Variants in ZNRF2 observed in about 807,000 individuals in gnomAD.
ZNRF2 encodes the protein zinc and ring finger 2, also known as E3 ubiquitin-protein ligase ZNRF2.
ZNRF2 carries 16 observed loss-of-function variants against 20.4 expected under a neutral mutation model. The ratio of observed to expected loss-of-function variants is 0.79; its 90% CI spans 0.53 to 1.19. The LOEUF (loss-of-function observed/expected upper bound fraction) is 1.19. Ranked by LOEUF, ZNRF2 falls within the 50% of genes most tolerant of loss-of-function variation. The pLI is 0.00. For synonymous variants in ZNRF2, 178 were observed against 144.9 expected (o/e 1.23, Z -1.64); for missense variants, 363 against 332.4 (o/e 1.09, Z -0.72).
At chr7:30,325,582 G>T (rs983341525) in intron 2 of ZNRF2, among the ~76,000 whole-genome samples, 13 of 152,140 alleles carry the variant, frequency 8.5e-5, no homozygotes, top group African/African-American at 3.1e-4. Context: ...ACATTGAAAT[G>T]AGCATATTAC....
rs1583566731 is a variant in ZNRF2 at position 30,296,194 on chromosome 7, TA to T, written c.469+10369del. ...AGAAAGAAGTGGTAGGTTATGTTTT[TA>T]TTTGTATAATGTAAATATAGGTAAA... On this transcript the variant is annotated intron_variant, in intron 1 of 4. Coordinates refer to ENST00000323037, the MANE Select transcript of ZNRF2 (RefSeq NM_147128.4). 2.0e-5 allele frequency among the ~76,000 whole-genome samples: 3 copies of T among 152,268 alleles called. No individual in the cohort carries two copies. The East Asian group carries it at 5.8e-4, about 29-fold the overall frequency.
chr7:30,311,218 G>T (rs1010047516), intron 1 of ZNRF2, among the ~76,000 whole-genome samples: 3 of 152,150 alleles, frequency 2.0e-5, no homozygotes, highest in Middle Eastern at 3.4e-3. Context: ...ATAGGGGTCC[G>T]GCACAAGAAC....
chr7:30,363,107 C>T (rs1289612093), intron 4 of ZNRF2, among the ~76,000 whole-genome samples: 2 of 151,842 alleles, frequency 1.3e-5, no homozygotes, highest in Admixed American at 6.6e-5. Context: ...GGCGACAGAG[C>T]GAGTCTCCTT....
intron 3 of ZNRF2, 145 bp downstream of exon 3, chr7:30,355,978 A>G (rs1251904747): frequency 7.0e-6 from 4 of 569,718 alleles, no homozygotes; most frequent in East Asian, 3.0e-5. Flanking sequence ...TTTTTTCTCT[A>G]TTTGAACTAA....
In ZNRF2 at chr7:30,362,404, T is replaced by C. The variant is rs1161784439; in HGVS notation, c.699T>C (p.Asn233=). The C allele has an allele frequency of 1.3e-6, 2 of 1,596,030 alleles. No homozygotes were observed. The highest frequency in any genetic ancestry group is 2.2e-5 in the East Asian group (1 of 44,664). ...KGCIDEWFEV[N]RSCPEHPSD is the part of the protein sequence containing the mutation. ...GCATAGATGAATGGTTTGAAGTAAA[T>C]AGATCTTGCCCTGAGCACCCTTCAG... The change falls in exon 4 of 5, where the codon AAT becomes AAC. Residue 233 remains asparagine, a synonymous_variant. Coordinates refer to ENST00000323037, the MANE Select transcript of ZNRF2 (RefSeq NM_147128.4).
intron 2 of ZNRF2, among the ~76,000 whole-genome samples, chr7:30,347,069 C>A (rs1330124164): frequency 6.6e-6 from 1 of 152,114 alleles, no homozygotes; most frequent in Non-Finnish European, 1.5e-5. Context: ...TGTCTTCCCT[C>A]ATTTATTCTG....
At chr7:30,289,674 T>C in intron 1 of ZNRF2, 1 of 447,752 alleles carries the variant, frequency 2.2e-6, no homozygotes, top group South Asian at 1.6e-5. Context: ...GCCTGTGTCA[T>C]GGAAGTTTCT....
In ZNRF2 at chr7:30,285,203, C is replaced by A; in HGVS notation, c.-155C>A. On this transcript the variant is annotated 5_prime_UTR_variant, in exon 1 of 5. It adds an upstream start codon to the 5' untranslated region. Coordinates refer to ENST00000323037, the MANE Select transcript of ZNRF2 (RefSeq NM_147128.4). ...CCAAGAAGAGCGCGCCGGGCGCCGA[C>A]TGCCCCTCTGGACGCCGGGCGGCGG... 2.0e-6 allele frequency: 1 copy of A among 509,346 alleles called. No individual in the cohort carries two copies. Among genetic ancestry groups the A allele is most frequent in the Non-Finnish European group, 3.0e-6 (1 of 331,812 alleles). The allele number at this position is 509,346 out of a possible 1,614,324, so 31.6% of individuals were successfully genotyped here.
chr7:30,310,303 T>C (rs1221037636), intron 1 of ZNRF2, among the ~76,000 whole-genome samples: 1 of 152,242 alleles, frequency 6.6e-6, no homozygotes, highest in Non-Finnish European at 1.5e-5. Context: ...CAGATGAGTT[T>C]TTGTCATAAC....
At chr7:30,323,790 A>G (rs1261951394) in intron 2 of ZNRF2, 53 bp downstream of exon 2, 1 of 1,161,524 alleles carries the variant, frequency 8.6e-7, no homozygotes, top group Non-Finnish European at 1.2e-6. Context: ...CTTACATTTT[A>G]TGAATTTCAT....
rs1304235223 is a variant in ZNRF2 at position 30,286,015 on chromosome 7, G to T, written c.469+189G>T. 2.6e-5 allele frequency among the ~76,000 whole-genome samples: 4 copies of T among 152,228 alleles called. No individual in the cohort carries two copies. In the East Asian group the frequency reaches 7.7e-4, roughly 29 times the overall value. On this transcript the variant is annotated intron_variant, in intron 1 of 4. Transcript: ENST00000323037. ...GCTTAACACCGGCGGTGCCGCTACC[G>T]CATAGACGCGTGGTTTTGTTTTTAA...
rs1395369640 is a variant in ZNRF2, at chr7:30,332,384, G to A, written c.565+8647G>A. On this transcript the variant is annotated intron_variant, in intron 2 of 4. Coordinates refer to ENST00000323037, the MANE Select transcript of ZNRF2 (RefSeq NM_147128.4). The stretch of plus-strand genomic sequence containing the variant: ...CTGTTACCTTTTAAAAAAAAATTTC[G>A]GTTGAGGAGGTGGGGTACATGTGCA... 5.3e-5 allele frequency among the ~76,000 whole-genome samples: 8 copies of A among 151,738 alleles called. 1 individual carries two copies. The South Asian group carries it at 6.2e-4, about 12-fold the overall frequency.
At chr7:30,333,974 C>G (rs902173624) in intron 2 of ZNRF2, among the ~76,000 whole-genome samples, 2 of 152,118 alleles carry the variant, frequency 1.3e-5, no homozygotes, top group Admixed American at 6.5e-5. Context: ...ATTCCTTTTG[C>G]TGTGAAGAAG....
intron 1 of ZNRF2, among the ~76,000 whole-genome samples, chr7:30,310,798 T>G (rs1044261713): frequency 4.6e-5 from 7 of 152,174 alleles, no homozygotes; most frequent in Admixed American, 4.6e-4. Flanking sequence ...AGCTAGGGAA[T>G]CTGAGAGTGG....
intron 4 of ZNRF2, 96 bp downstream of exon 4, chr7:30,362,552 A>T: frequency 1.6e-6 from 1 of 631,422 alleles, no homozygotes; most frequent in East Asian, 2.9e-5. Context: ...GAGGTGCATG[A>T]GTGTGTATGT....
chr7:30,336,214 C>T (rs562089305), intron 2 of ZNRF2, among the ~76,000 whole-genome samples: 30 of 152,216 alleles, frequency 2.0e-4, no homozygotes, highest in African/African-American at 7.2e-4. Flanking sequence ...CTACATATTA[C>T]TTGTATAAAA....
At chr7:30,310,949 A>C (rs1304699412) in intron 1 of ZNRF2, among the ~76,000 whole-genome samples, 1 of 152,190 alleles carries the variant, frequency 6.6e-6, no homozygotes, top group African/African-American at 2.4e-5. Context: ...GGTTGAAAGA[A>C]GGTTGACAGG....
At chr7:30,337,695 A>G (rs954615929) in intron 2 of ZNRF2, among the ~76,000 whole-genome samples, 2 of 151,960 alleles carry the variant, frequency 1.3e-5, no homozygotes, top group Non-Finnish European at 2.9e-5. Context: ...GTCTTCCCCA[A>G]TTTTTTTATT....
chr7:30,302,697 C>T (rs1248574260), intron 1 of ZNRF2, among the ~76,000 whole-genome samples: 1 of 152,056 alleles, frequency 6.6e-6, no homozygotes, highest in Non-Finnish European at 1.5e-5. Flanking sequence ...TCTATGGTAA[C>T]ACATGTATTT....
Sources: gnomAD v4.1 joint callset for allele counts (sites outside exome capture counted in the v4.1 genomes callset) on GRCh38, gnomAD v4.1.1 for gene constraint, MANE v1.5 for transcripts, NCBI Gene and HGNC (gene_info 2026-07-23, HGNC 2026-07-21) for gene names.